SSBP3: variants seen among roughly 807,000 people sequenced by gnomAD.
SSBP3 encodes single stranded DNA binding protein 3.
SSBP3 carries 5 observed loss-of-function variants against 69.6 expected under a neutral mutation model. The observed-to-expected ratio is 0.07, with a 90% CI of 0.04 to 0.15. SSBP3 has a LOEUF of 0.15. Among genes scored for constraint, SSBP3 ranks in the 10% least tolerant of loss-of-function variants. The pLI is 1.00. For missense variants in SSBP3, 312 were observed against 534.0 expected (o/e 0.58, Z 4.10); for synonymous variants, 196 against 193.4 (o/e 1.01, Z -0.11).
intron 9 of SSBP3, among the ~76,000 whole-genome samples, chr1:54,250,454 T>TG (rs1378157488): frequency 2.7e-5 from 4 of 149,022 alleles, no homozygotes; most frequent in Non-Finnish European, 5.9e-5. Flanking sequence ...TGTGGTTCTG[T>TG]GGGGCGGATT....
chr1:54,299,439 GCC>G (rs1444919039), intron 4 of SSBP3, among the ~76,000 whole-genome samples: 2 of 151,470 alleles, frequency 1.3e-5, no homozygotes, highest in African/African-American at 4.9e-5. Context: ...AGACAGACAT[GCC>G]CAGAACCTGG....
At chr1:54,356,189 T>C (rs960028959) in intron 4 of SSBP3, among the ~76,000 whole-genome samples, 1 of 152,020 alleles carries the variant, frequency 6.6e-6, no homozygotes, top group Admixed American at 6.6e-5. Flanking sequence ...TCGGAGAGGG[T>C]AGCGTGCAGA....
intron 3 of SSBP3, among the ~76,000 whole-genome samples, chr1:54,404,080 T>TA (rs1402540189): frequency 6.6e-6 from 1 of 152,112 alleles, no homozygotes; most frequent in African/African-American, 2.4e-5. Context: ...TCAGTATCTT[T>TA]AAAGGAAGTG....
upstream of SSBP3, among the ~76,000 whole-genome samples, chr1:54,406,858 G>A (rs983882053): frequency 5.2e-5 from 7 of 135,642 alleles, no homozygotes; most frequent in African/African-American, 1.9e-4. Flanking sequence ...CCCCCGCCGC[G>A]GCCCGCACCA....
intron 4 of SSBP3, among the ~76,000 whole-genome samples, chr1:54,324,574 C>T (rs1259481014): frequency 6.6e-6 from 1 of 152,226 alleles, no homozygotes; most frequent in Non-Finnish European, 1.5e-5. Context: ...AGCAACCCAT[C>T]ACCAAGGCTG....
exon 18 of SSBP3, chr1:54,226,982 G>C: frequency 1.3e-6 from 1 of 758,270 alleles, no homozygotes; most frequent in South Asian, 1.4e-5. Context: ...GGAAAGGTAG[G>C]GGGCGTGGAT....
At chr1:54,405,050 C>G in intron 1 of SSBP3, 120 bp from the exon 2 acceptor site, 1 of 858,146 alleles carries the variant, frequency 1.2e-6, no homozygotes, top group Non-Finnish European at 1.9e-6. Flanking sequence ...TGGCCCCGAC[C>G]AGAGGTAAGC....
intron 4 of SSBP3, among the ~76,000 whole-genome samples, chr1:54,355,844 C>T (rs536097912): frequency 1.3e-5 from 2 of 152,154 alleles, no homozygotes; most frequent in African/African-American, 4.8e-5. Context: ...CCGCTTTGTG[C>T]GAGGGGACAC....
At chr1:54,304,016 T>C (rs1446873421) in intron 4 of SSBP3, among the ~76,000 whole-genome samples, 2 of 152,058 alleles carry the variant, frequency 1.3e-5, no homozygotes, top group Non-Finnish European at 2.9e-5. Flanking sequence ...GAATGATGGG[T>C]AGCACGGAGA....
chr1:54,251,972 T>G (rs1644838374), intron 7 of SSBP3, 112 bp from the exon 8 acceptor site: 5 of 887,828 alleles, frequency 5.6e-6, no homozygotes, highest in Non-Finnish European at 9.1e-6. Context: ...GAGCCACTCA[T>G]GGCCTCCCTG....
intron 14 of SSBP3, among the ~76,000 whole-genome samples, chr1:54,233,180 T>C (rs1382493131): frequency 2.7e-5 from 4 of 147,960 alleles, no homozygotes; most frequent in African/African-American, 1.0e-4. Flanking sequence ...GTGAGGAGCG[T>C]CTCTGCCCGG....
In SSBP3 at chr1:54,239,204, A is replaced by G. The variant is rs1428861509; in HGVS notation, c.857-5T>C. 1 of 1,606,972 alleles carries G rather than the reference A, an allele frequency of 6.2e-7. No homozygotes were observed. Among genetic ancestry groups the G allele is most frequent in the Non-Finnish European group, 8.5e-7 (1 of 1,176,894 alleles). The stretch of plus-strand genomic sequence containing the variant: ...TGTCACTGGAATTTGTTGAATCTGT[A>G]GAACAGTGGAAACCCACAAGTCGGG... On this transcript the variant is annotated splice_polypyrimidine_tract_variant and splice_region_variant and intron_variant, in intron 13 of 17. Coordinates refer to ENST00000610401, the Ensembl canonical transcript of SSBP3.
chr1:54,322,663 GA>G (rs76645724), intron 4 of SSBP3, among the ~76,000 whole-genome samples: 337 of 142,802 alleles, frequency 2.4e-3, no homozygotes, highest in Admixed American at 4.0e-3. Context: ...AAAAGAAAAG[GA>G]AAAAAAAAAA....
At chr1:54,298,756 C>T (rs527687138) in intron 4 of SSBP3, among the ~76,000 whole-genome samples, 6 of 152,266 alleles carry the variant, frequency 3.9e-5, no homozygotes, top group African/African-American at 1.4e-4. Context: ...GGCTCTTCTC[C>T]GATCCAGCTC....
chr1:54,374,268 G>A (rs1180800336), intron 4 of SSBP3, among the ~76,000 whole-genome samples: 1 of 152,204 alleles, frequency 6.6e-6, no homozygotes, highest in African/African-American at 2.4e-5. Context: ...CCAGAGACTG[G>A]GTAGCCAGGA....
At chr1:54,358,135 G>A (rs1384207737) in intron 4 of SSBP3, among the ~76,000 whole-genome samples, 3 of 152,164 alleles carry the variant, frequency 2.0e-5, no homozygotes, top group Admixed American at 1.3e-4. Context: ...CCACCAGATG[G>A]GCAGGCTGCC....
intron 14 of SSBP3, among the ~76,000 whole-genome samples, chr1:54,233,188 C>T (rs1461006638): frequency 2.7e-5 from 4 of 150,372 alleles, no homozygotes; most frequent in African/African-American, 7.4e-5. Context: ...CGTCTCTGCC[C>T]GGCCACCCAT....
At chr1:54,295,104 G>A (rs191974967) in intron 4 of SSBP3, among the ~76,000 whole-genome samples, 6 of 152,034 alleles carry the variant, frequency 3.9e-5, no homozygotes, top group East Asian at 1.9e-4. Context: ...TCCCCTCCCC[G>A]TCCCTTCCTC....
At chr1:54,240,087 TGCGCGCGCGCGC>T (rs56281276) in intron 13 of SSBP3, among the ~76,000 whole-genome samples, 1,692 of 42,122 alleles carry the variant, frequency 0.04, 21 homozygotes, top group Non-Finnish European at 0.05. Flanking sequence ...TGTGTGTGTG[TGCGCGCGCGCGC>T]GTGTGCGTGC....
Sources: allele counts gnomAD v4.1 joint callset (sites outside exome capture counted in the v4.1 genomes callset), GRCh38; gene constraint gnomAD v4.1.1; transcripts MANE v1.5; gene names NCBI Gene and HGNC (gene_info 2026-07-23, HGNC 2026-07-21).